The following ROBO1 variants were observed in gnomAD, a reference collection of about 807,000 sequenced individuals.
ROBO1 encodes roundabout guidance receptor 1.
ROBO1 carries 149 observed loss-of-function variants against 195.9 expected under a neutral mutation model. That is an observed-to-expected ratio of 0.76 (90% CI 0.67 to 0.87). The LOEUF (loss-of-function observed/expected upper bound fraction) is 0.87, where lower values mean the gene tolerates loss of function less well. ROBO1 is among the 40% of genes least tolerant of loss of function. The pLI is 0.00. For synonymous variants in ROBO1, 816 were observed against 733.2 expected, an observed-to-expected ratio of 1.11 and a Z score of -1.82; for missense variants, 1,933 against 2,068.3, an observed-to-expected ratio of 0.93 and a Z score of 1.27.
chr3:79,371,542 A>G (rs2036193635), intron 2 of ROBO1, among the ~76,000 whole-genome samples: 1 of 152,184 alleles, frequency 6.6e-6, no homozygotes, highest in South Asian at 2.1e-4. Flanking sequence ...TGGCTGAGGA[A>G]ATTTTGAATT....
At chr3:78,827,603 T>C (rs904006787) in intron 4 of ROBO1, among the ~76,000 whole-genome samples, 4 of 152,054 alleles carry the variant, frequency 2.6e-5, no homozygotes, top group Admixed American at 2.0e-4. Context: ...TGTGTATCTA[T>C]CTGTCTATCT....
chr3:79,514,158 G>GA (rs1192880747), intron 2 of ROBO1, among the ~76,000 whole-genome samples: 1 of 152,174 alleles, frequency 6.6e-6, no homozygotes, highest in Non-Finnish European at 1.5e-5. Flanking sequence ...GGAGCAGCAG[G>GA]AATAAGGCAG....
chr3:78,842,146 T>G (rs1342026682), intron 4 of ROBO1, among the ~76,000 whole-genome samples: 1 of 145,952 alleles, frequency 6.9e-6, no homozygotes, highest in Non-Finnish European at 1.5e-5. Context: ...TTTGTTTTTT[T>G]TTTTTTTTTG....
intron 3 of ROBO1, among the ~76,000 whole-genome samples, chr3:78,969,208 T>C (rs2107898320): frequency 6.6e-6 from 1 of 152,324 alleles, no homozygotes; most frequent in East Asian, 1.9e-4. Flanking sequence ...ATTTTTAAAA[T>C]TACTAAATTC....
At chr3:79,255,861 A>C (rs1349173576) in intron 2 of ROBO1, among the ~76,000 whole-genome samples, 1 of 152,158 alleles carries the variant, frequency 6.6e-6, no homozygotes. Flanking sequence ...GTGAGGTAAC[A>C]TCTGCCTCAA....
intron 4 of ROBO1, among the ~76,000 whole-genome samples, chr3:78,781,001 T>C (rs2083660420): frequency 6.6e-6 from 1 of 152,184 alleles, no homozygotes; most frequent in African/African-American, 2.4e-5. Flanking sequence ...GATTTATTTC[T>C]ACCAAAACCT....
intron 4 of ROBO1, among the ~76,000 whole-genome samples, chr3:78,787,926 CTTTTTTTT>C (rs71127358): frequency 5.6e-5 from 4 of 71,672 alleles, no homozygotes; most frequent in African/African-American, 6.1e-5. Context: ...GACCCCTTCT[CTTTTTTTT>C]TTTTTTTTTT....
chr3:78,614,937 C>A, intron 27 of ROBO1, 137 bp from the exon 28 acceptor site: 1 of 879,264 alleles, frequency 1.1e-6, no homozygotes, highest in Non-Finnish European at 1.7e-6. Flanking sequence ...CTTAAACAAA[C>A]TCTTCCAGCA....
At chr3:79,748,528 T>A (rs543091770) in intron 1 of ROBO1, among the ~76,000 whole-genome samples, 2 of 152,152 alleles carry the variant, frequency 1.3e-5, no homozygotes, top group Non-Finnish European at 2.9e-5. Flanking sequence ...ATAAGAGATA[T>A]GTTACCAAAT....
chr3:78,944,738 G>A (rs2040325908), intron 3 of ROBO1, among the ~76,000 whole-genome samples: 1 of 152,220 alleles, frequency 6.6e-6, no homozygotes, highest in African/African-American at 2.4e-5. Flanking sequence ...GGAAGCGCAA[G>A]GGGTCAGGGA....
chr3:79,466,364 A>G (rs1937958286), intron 2 of ROBO1, among the ~76,000 whole-genome samples: 1 of 152,142 alleles, frequency 6.6e-6, no homozygotes, highest in Non-Finnish European at 1.5e-5. Context: ...TTTTAGTTAT[A>G]ATTCTTTTTA....
chr3:79,551,913 T>G, intron 2 of ROBO1, among the ~76,000 whole-genome samples: 1 of 143,766 alleles, frequency 7.0e-6, no homozygotes, highest in Non-Finnish European at 1.5e-5. Context: ...TTTTTGCACT[T>G]TAAGGATGAC....
chr3:78,927,962 A>C (rs1231144660), intron 4 of ROBO1, among the ~76,000 whole-genome samples: 3 of 152,218 alleles, frequency 2.0e-5, no homozygotes, highest in Non-Finnish European at 4.4e-5. Flanking sequence ...CAGATGTTAC[A>C]ACAGCTACAA....
chr3:78,626,054 A>C lies in ROBO1; in HGVS notation c.3875+1267T>G, dbSNP rs552387678. On this transcript the variant is annotated intron_variant, in intron 26 of 30. Coordinates refer to ENST00000464233, the MANE Select transcript of ROBO1 (RefSeq NM_002941.4). The stretch of plus-strand genomic sequence containing the variant: ...GTGGAAAGGAGGACATAAGAGATAC[A>C]AAAGAAGAGCTAGCCAGAAAGAAAA... Among the ~76,000 whole-genome samples the C allele has an allele frequency of 2.0e-5, 3 of 152,276 alleles. No individual in the cohort carries two copies. The East Asian group carries it at 5.8e-4, about 29-fold the overall frequency.
At chr3:79,228,852 T>C (rs1244798521) in intron 2 of ROBO1, among the ~76,000 whole-genome samples, 2 of 152,098 alleles carry the variant, frequency 1.3e-5, no homozygotes, top group Non-Finnish European at 2.9e-5. Flanking sequence ...GACTAATTGC[T>C]AACAATACCA....
intron 3 of ROBO1, among the ~76,000 whole-genome samples, chr3:79,001,306 C>G (rs147289527): frequency 1.3e-5 from 2 of 152,040 alleles, no homozygotes; most frequent in East Asian, 3.9e-4. Flanking sequence ...ATAAATAAAA[C>G]CATCAGATCT....
At chr3:78,851,930 T>A (rs1302348229) in intron 4 of ROBO1, among the ~76,000 whole-genome samples, 1 of 152,044 alleles carries the variant, frequency 6.6e-6, no homozygotes, top group Non-Finnish European at 1.5e-5. Context: ...ATTGAGTGAT[T>A]TTTTTTAGGA....
chr3:79,175,807 T>C (rs895028209), intron 2 of ROBO1, among the ~76,000 whole-genome samples: 4 of 152,208 alleles, frequency 2.6e-5, no homozygotes, highest in African/African-American at 9.6e-5. Flanking sequence ...TATTGGCACG[T>C]GGTTCTTATT....
At chr3:79,171,708 A>G (rs577848009) in intron 2 of ROBO1, among the ~76,000 whole-genome samples, 1 of 152,222 alleles carries the variant, frequency 6.6e-6, no homozygotes, top group East Asian at 1.9e-4. Flanking sequence ...TGTTACATAA[A>G]AAAAATCAAC....
Sources: gnomAD v4.1 joint callset for allele counts (sites outside exome capture counted in the v4.1 genomes callset) on GRCh38, gnomAD v4.1.1 for gene constraint, MANE v1.5 for transcripts, NCBI Gene and HGNC (gene_info 2026-07-23, HGNC 2026-07-21) for gene names.